SAFB2: variants seen among roughly 807,000 people sequenced by gnomAD.
SAFB2 encodes scaffold attachment factor B2.
Under a neutral mutation model 100.6 loss-of-function variants are expected in SAFB2, and 32 were observed. That is an observed-to-expected ratio of 0.32 (90% CI 0.24 to 0.43). SAFB2 has a LOEUF of 0.43. Among genes scored for constraint, SAFB2 ranks in the 20% least tolerant of loss-of-function variants. SAFB2 has a pLI of 1.00. For missense variants in SAFB2, 1,185 were observed against 1,163.4 expected, an observed-to-expected ratio of 1.02 and a Z score of -0.27; for synonymous variants, 500 against 439.4, an observed-to-expected ratio of 1.14 and a Z score of -1.72.
chr19:5,594,845 G>A (rs2052502255), intron 14 of SAFB2, among the ~76,000 whole-genome samples: 1 of 152,014 alleles, frequency 6.6e-6, no homozygotes, highest in Non-Finnish European at 1.5e-5. Flanking sequence ...TACTGTAAAG[G>A]GCTTTGATGA....
In SAFB2 at chr19:5,587,982, T is replaced by C; in HGVS notation, c.2526-2A>G. The C allele has an allele frequency of 6.2e-7, 1 of 1,609,040 alleles. No individual in the cohort carries two copies. The highest frequency in any genetic ancestry group is 8.5e-7 in the Non-Finnish European group (1 of 1,177,900). On this transcript the variant is annotated splice_acceptor_variant, in intron 18 of 20. Transcript: ENST00000252542. LOFTEE classifies it high-confidence loss of function. The surrounding 1 kb of genome is among the most constrained non-coding windows in gnomAD (Gnocchi z 4.9). ...TGCTCTCCCCAGTCACGGCCACCCC[T>C]TTGCCAAAAGAAAAAGACATGCAGC...
chr19:5,603,961 G>C (rs2052718055), intron 11 of SAFB2, among the ~76,000 whole-genome samples: 1 of 152,242 alleles, frequency 6.6e-6, no homozygotes, highest in South Asian at 2.1e-4. Flanking sequence ...CAAGGTCTGA[G>C]AGGCTGTACA....
rs1446228358 is a variant in SAFB2, at chr19:5,593,957, C to T, written c.2141G>A (p.Arg714His). 2 of 1,553,716 alleles carry T rather than the reference C, an allele frequency of 1.3e-6. No homozygotes were observed. The highest frequency in any genetic ancestry group is 1.9e-5 in the Admixed American group (1 of 53,602). ...RIHREREELR[R>H]QQEQLRYEQE... ...CTCGTAACGCAGCTGCTCCTGCTGG[C>T]GCCGCAGCTCCTCGCGCTCGCGGTG... The change falls in exon 15 of 21, where the codon CGC (arginine) becomes CAC (histidine). Residue 714 changes from arginine (R) to histidine (H), a missense_variant. Physicochemically the swap from Arg to His is conservative, Grantham distance 29. Around this residue, in one of 3 missense-constraint regions of SAFB2, gnomAD observed 740 missense variants for 687.1 expected, o/e 1.08. Transcript: ENST00000252542.
At chr19:5,601,869 T>C (rs1475421133) in intron 11 of SAFB2, among the ~76,000 whole-genome samples, 2 of 152,152 alleles carry the variant, frequency 1.3e-5, no homozygotes, top group Non-Finnish European at 2.9e-5. Flanking sequence ...ATATATATGC[T>C]GGAAAAAAGA....
intron 4 of SAFB2, among the ~76,000 whole-genome samples, chr19:5,613,906 G>C (rs2145355442): frequency 6.6e-6 from 1 of 152,314 alleles, no homozygotes; most frequent in African/African-American, 2.4e-5. Flanking sequence ...ATACTCTTAA[G>C]GTAACACTAA....
At chr19:5,620,220 CAT>C (rs1358808183) in intron 2 of SAFB2, among the ~76,000 whole-genome samples, 31 of 152,274 alleles carry the variant, frequency 2.0e-4, no homozygotes, top group African/African-American at 5.1e-4. Flanking sequence ...ACTACATGCA[CAT>C]GTTTTAAACA....
intron 12 of SAFB2, among the ~76,000 whole-genome samples, chr19:5,599,177 A>G (rs1193112391): frequency 1.3e-5 from 2 of 151,718 alleles, no homozygotes; most frequent in African/African-American, 4.9e-5. Context: ...GCCCTCCGTG[A>G]CCCTCCACTC....
At chr19:5,619,289 G>A (rs1383535688) in intron 2 of SAFB2, among the ~76,000 whole-genome samples, 4 of 152,146 alleles carry the variant, frequency 2.6e-5, no homozygotes, top group Non-Finnish European at 4.4e-5. Flanking sequence ...CTGAAGACCT[G>A]GGCTCTCTCT....
intron 13 of SAFB2, among the ~76,000 whole-genome samples, chr19:5,597,284 G>A (rs2052553043): frequency 6.6e-6 from 1 of 152,110 alleles, no homozygotes; most frequent in African/African-American, 2.4e-5. Flanking sequence ...CGTTAAAAGA[G>A]GCTGGGAGTG....
At chr19:5,588,558 TAGGA>T (rs769767513) in intron 18 of SAFB2, among the ~76,000 whole-genome samples, 10 of 152,018 alleles carry the variant, frequency 6.6e-5, no homozygotes, top group Non-Finnish European at 1.2e-4. Flanking sequence ...CAGCCCTAAC[TAGGA>T]AGGAAGCGCT....
At chr19:5,617,939 A>G (rs2053066567) in intron 2 of SAFB2, among the ~76,000 whole-genome samples, 1 of 152,184 alleles carries the variant, frequency 6.6e-6, no homozygotes. Context: ...CCTAGGAATT[A>G]AGAGACAAGT....
rs569975234 is a variant in SAFB2 at position 5,587,082 on chromosome 19, T to C, written c.*161A>G. The C allele has an allele frequency of 1.1e-4, 108 of 943,222 alleles. 2 individuals carry two copies. The East Asian group carries it at 2.5e-3, about 22-fold the overall frequency. The allele number at this position is 943,222 out of a possible 1,614,324, so 58.4% of individuals were successfully genotyped here. On this transcript the variant is annotated 3_prime_UTR_variant, in exon 21 of 21. Transcript: ENST00000252542. This position sits in a 1 kb window ranked among gnomAD's most constrained non-coding sequence, Gnocchi z 4.9. ...TTAAAAATGGCAGAACAAGAACACA[T>C]TTATTTAAAAAAAAAAAAAAAGTGA...
chr19:5,609,051 C>CAAAAAAAA (rs60419324), intron 9 of SAFB2, among the ~76,000 whole-genome samples: 6 of 72,690 alleles, frequency 8.3e-5, no homozygotes, highest in African/African-American at 1.1e-4. Context: ...GACGCAGTCT[C>CAAAAAAAA]AAAAAAAAAA....
At position 5,587,883 on chromosome 19, in the gene SAFB2, G is replaced by A. The variant is rs2052296379; in HGVS notation, c.2623C>T (p.His875Tyr). Reference sequence around the variant, plus strand: ...AGCCCCGTACCTTGCCACCTGGCGTGCTCCCGGCTAGCCGCGCCTGCGTCC... The same window carrying A: ...AGCCCCGTACCTTGCCACCTGGCGTACTCCCGGCTAGCCGCGCCTGCGTCC... ...AMDAGAASREHARWQGGERGL... is the reference protein window; with the variant it reads ...AMDAGAASREYARWQGGERGL... The change falls in exon 19 of 21, where the codon CAC (histidine) becomes TAC (tyrosine). Residue 875 changes from histidine to tyrosine, a missense_variant. By Grantham distance (83) the His-to-Tyr change is moderately conservative (BLOSUM62 2). Coordinates refer to ENST00000252542, the MANE Select transcript of SAFB2 (RefSeq NM_014649.3). The surrounding 1 kb of genome is among the most constrained non-coding windows in gnomAD (Gnocchi z 4.9). 2 of 1,611,408 alleles carry A rather than the reference G, an allele frequency of 1.2e-6. No individual in the cohort carries two copies. Among genetic ancestry groups the A allele is most frequent in the Admixed American group, 3.3e-5 (2 of 59,804 alleles).
At chr19:5,597,394 T>G (rs569255276) in intron 13 of SAFB2, among the ~76,000 whole-genome samples, 3 of 152,110 alleles carry the variant, frequency 2.0e-5, no homozygotes, top group Non-Finnish European at 4.4e-5. Flanking sequence ...ACCCTTTATT[T>G]TTTTTAATAG....
intron 5 of SAFB2, 63 bp downstream of exon 5, chr19:5,613,402 C>T (rs1400348600): frequency 7.1e-7 from 1 of 1,411,954 alleles, no homozygotes; most frequent in African/African-American, 1.4e-5. Flanking sequence ...ACTGCTCTTT[C>T]ATTATGGAAA....
intron 12 of SAFB2, 69 bp from the exon 13 acceptor site, chr19:5,598,953 C>T: frequency 7.2e-7 from 1 of 1,385,556 alleles, no homozygotes; most frequent in Non-Finnish European, 1.0e-6. Flanking sequence ...AAACAGCACT[C>T]TGATGGACCC....
chr19:5,618,688 TA>T (rs1282879494), intron 2 of SAFB2, among the ~76,000 whole-genome samples: 3 of 152,182 alleles, frequency 2.0e-5, no homozygotes, highest in African/African-American at 7.2e-5. Flanking sequence ...TCTAGGCCCC[TA>T]AATAGTAGCC....
Position 5,587,019 on chromosome 19 carries a change from A to T in SAFB2, c.*224T>A, listed in dbSNP as rs2052264310. 2 of 624,504 alleles carry T rather than the reference A, an allele frequency of 3.2e-6. No homozygotes were observed. The highest frequency in any genetic ancestry group is 2.7e-6 in the Non-Finnish European group (1 of 371,990). The allele number at this position is 624,504 out of a possible 1,614,324, so 38.7% of individuals were successfully genotyped here. On this transcript the variant is annotated 3_prime_UTR_variant, in exon 21 of 21. Transcript: ENST00000252542. The surrounding 1 kb of genome is among the most constrained non-coding windows in gnomAD (Gnocchi z 4.9). ...AAGACTGCGAATGGTAAACTTTATT[A>T]ATGGAAAATGGAATGCCTCGTTAAC...
Sources: gnomAD v4.1 joint callset for allele counts (sites outside exome capture counted in the v4.1 genomes callset) on GRCh38, gnomAD v4.1.1 for gene constraint, gnomAD v4.1.1 regional missense constraint, Gnocchi (gnomAD v3.1) non-coding constraint, MANE v1.5 for transcripts, NCBI Gene and HGNC (gene_info 2026-07-23, HGNC 2026-07-21) for gene names.